STK32B: variants seen among roughly 807,000 people sequenced by gnomAD.
STK32B encodes the protein serine/threonine kinase 32B, also known as serine/threonine-protein kinase 32B.
STK32B carries 43 observed loss-of-function variants against 52.6 expected under a neutral mutation model. That is an observed-to-expected ratio of 0.82 (90% CI 0.64 to 1.05). STK32B has a LOEUF of 1.05. Ranked by LOEUF, STK32B falls within the 50% of genes least tolerant of loss-of-function variation. The probability of loss-of-function intolerance (pLI) is 0.00; values close to 1 mark genes in which losing one functional copy is unlikely to be tolerated. For missense variants in STK32B, 621 were observed against 534.6 expected, an observed-to-expected ratio of 1.16 and a Z score of -1.59; for synonymous variants, 238 against 204.3, an observed-to-expected ratio of 1.17 and a Z score of -1.41.
chr4:5,144,108 G>C (rs1197494102), intron 2 of STK32B, among the ~76,000 whole-genome samples: 1 of 152,192 alleles, frequency 6.6e-6, no homozygotes, highest in African/African-American at 2.4e-5. Context: ...TTTCCCTTGG[G>C]ATAGTTACCA....
intron 3 of STK32B, among the ~76,000 whole-genome samples, chr4:5,290,364 CTT>C (rs1728821614): frequency 6.6e-6 from 1 of 152,032 alleles, no homozygotes; most frequent in Non-Finnish European, 1.5e-5. Context: ...TGTTTTATTC[CTT>C]TATATGCTTA....
At chr4:5,235,368 A>G (rs1035163387) in intron 3 of STK32B, among the ~76,000 whole-genome samples, 1 of 152,174 alleles carries the variant, frequency 6.6e-6, no homozygotes, top group Non-Finnish European at 1.5e-5. Flanking sequence ...GACCAGGGGT[A>G]AGTTACTCAG....
intron 3 of STK32B, among the ~76,000 whole-genome samples, chr4:5,188,855 G>A (rs1427698877): frequency 1.4e-5 from 2 of 145,466 alleles, no homozygotes; most frequent in Non-Finnish European, 3.0e-5. Flanking sequence ...ACACACTGGG[G>A]CCTGTCAGGG....
chr4:5,128,707 G>A (rs1038307449), intron 1 of STK32B, among the ~76,000 whole-genome samples: 7 of 152,210 alleles, frequency 4.6e-5, no homozygotes, highest in African/African-American at 1.7e-4. Flanking sequence ...AGGGAGTGGA[G>A]GAAAAGTCTC....
chr4:5,183,323 C>G (rs145199026), intron 3 of STK32B, among the ~76,000 whole-genome samples: 3 of 151,848 alleles, frequency 2.0e-5, no homozygotes, highest in Non-Finnish European at 4.4e-5. Context: ...ACTAAAAATA[C>G]AAAATTAGCT....
chr4:5,103,039 T>C (rs1178150308), intron 1 of STK32B, among the ~76,000 whole-genome samples: 1 of 150,584 alleles, frequency 6.6e-6, no homozygotes, highest in Non-Finnish European at 1.5e-5. Flanking sequence ...GTAGAAATAT[T>C]CAAATGTACC....
chr4:5,235,459 G>A lies in STK32B; in HGVS notation c.260+67009G>A, dbSNP rs1292389826. On this transcript the variant is annotated intron_variant, in intron 3 of 11. Transcript: ENST00000282908. The stretch of plus-strand genomic sequence containing the variant: ...CCTACTGCTTTGGTGAAGATGAAAT[G>A]TCTTAATATGTGGCAAGCACTTAGA... Among the ~76,000 whole-genome samples, 6 of 152,306 alleles carry A rather than the reference G, an allele frequency of 3.9e-5. No homozygotes were observed. The East Asian group carries it at 9.7e-4, about 25-fold the overall frequency.
At chr4:5,410,357 AT>A (rs1428962651) in intron 5 of STK32B, among the ~76,000 whole-genome samples, 2 of 152,218 alleles carry the variant, frequency 1.3e-5, no homozygotes, top group Non-Finnish European at 2.9e-5. Flanking sequence ...TTCACCTGAG[AT>A]TTATTCCGAA....
chr4:5,053,934 G>A (rs570299809), intron 1 of STK32B, among the ~76,000 whole-genome samples: 6 of 151,664 alleles, frequency 4.0e-5, no homozygotes, highest in South Asian at 2.1e-4. Flanking sequence ...AGCTGAGATC[G>A]CACCATTGCA....
At position 5,053,057 on chromosome 4, in the gene STK32B, A is replaced by G. The variant is rs1325671746; in HGVS notation, c.52+1142A>G. Among the ~76,000 whole-genome samples, 4 of 152,184 alleles carry G rather than the reference A, an allele frequency of 2.6e-5. 1 individual carries two copies. Among genetic ancestry groups the G allele is most frequent in the Non-Finnish European group, 5.9e-5 (4 of 68,038 alleles). ...CACTGGCTGTGTGCGTACATCATGGATGGCTTCTAGAACTCCCAAGGCTGT... is the reference window on the plus strand; with the variant it reads ...CACTGGCTGTGTGCGTACATCATGGGTGGCTTCTAGAACTCCCAAGGCTGT... On this transcript the variant is annotated intron_variant, in intron 1 of 11. Coordinates refer to ENST00000282908, the MANE Select transcript of STK32B (RefSeq NM_018401.3).
At chr4:5,019,396 G>T in the STK32B span, 2 of 1,492,238 alleles carry the variant, frequency 1.3e-6, no homozygotes, top group Non-Finnish European at 8.9e-7. Flanking sequence ...CGCGGCGGGG[G>T]CTCCCGCCAG....
rs1014859628 is a variant in STK32B at position 5,453,266 on chromosome 4, T to A, written c.667-3541T>A. ...GAGAGTAGCTCATGTGGAGGTCCAGTGGAATAGCAGAATTGATGAGCACCT... is the reference window on the plus strand; with the variant it reads ...GAGAGTAGCTCATGTGGAGGTCCAGAGGAATAGCAGAATTGATGAGCACCT... On this transcript the variant is annotated intron_variant, in intron 7 of 11. Transcript: ENST00000282908. The surrounding 1 kb of genome is among the most constrained non-coding windows in gnomAD (Gnocchi z 4.0). Among the ~76,000 whole-genome samples the A allele has an allele frequency of 2.6e-5, 4 of 151,406 alleles. No individual in the cohort carries two copies. Among genetic ancestry groups the A allele is most frequent in the African/African-American group, 9.7e-5 (4 of 41,118 alleles).
chr4:5,059,433 A>C (rs1385389897), intron 1 of STK32B, among the ~76,000 whole-genome samples: 2 of 152,204 alleles, frequency 1.3e-5, no homozygotes, highest in Non-Finnish European at 2.9e-5. Context: ...AGTTGAATGT[A>C]AGCAAATACC....
chr4:5,158,125 G>A (rs1313478318), intron 2 of STK32B, among the ~76,000 whole-genome samples: 1 of 152,140 alleles, frequency 6.6e-6, no homozygotes. Flanking sequence ...GGCCAGAGTA[G>A]ATGATCCATT....
intron 2 of STK32B, among the ~76,000 whole-genome samples, chr4:5,164,345 C>T (rs1229043725): frequency 2.0e-5 from 3 of 152,088 alleles, no homozygotes; most frequent in Non-Finnish European, 2.9e-5. Context: ...CATAGCCTTC[C>T]GCCTGGATGT....
intron 3 of STK32B, among the ~76,000 whole-genome samples, chr4:5,241,654 C>A (rs1053244902): frequency 2.0e-5 from 3 of 151,870 alleles, no homozygotes; most frequent in Admixed American, 1.3e-4. Flanking sequence ...TATACATGTG[C>A]CATGTTGGTG....
chr4:5,071,887 A>G (rs116288926), intron 1 of STK32B, among the ~76,000 whole-genome samples: 1,908 of 152,284 alleles, frequency 0.013, 45 homozygotes, highest in African/African-American at 0.043. Flanking sequence ...GGAGAGAAAC[A>G]AAACTATAAT....
the STK32B span, among the ~76,000 whole-genome samples, chr4:5,043,095 A>T: frequency 1.5e-5 from 2 of 137,392 alleles, no homozygotes; most frequent in Non-Finnish European, 1.5e-5. Context: ...CCTGGGCGAC[A>T]GAGCGAGACT....
At chr4:5,495,427 C>T (rs1720140096) in intron 11 of STK32B, among the ~76,000 whole-genome samples, 1 of 152,216 alleles carries the variant, frequency 6.6e-6, no homozygotes, top group African/African-American at 2.4e-5. Context: ...TCAGCTCCAT[C>T]AGCTCCTTTA....
Sources: allele counts gnomAD v4.1 joint callset (sites outside exome capture counted in the v4.1 genomes callset), GRCh38; gene constraint gnomAD v4.1.1; non-coding constraint Gnocchi (gnomAD v3.1); transcripts MANE v1.5; gene names NCBI Gene and HGNC (gene_info 2026-07-23, HGNC 2026-07-21).